SDK1: variants seen among roughly 807,000 people sequenced by gnomAD.
SDK1 encodes the protein sidekick cell adhesion molecule 1, also known as protein sidekick-1.
In SDK1, 157 loss-of-function variants were observed where a neutral mutation model predicts 245.5. The ratio of observed to expected loss-of-function variants is 0.64; its 90% CI spans 0.56 to 0.73. The LOEUF (loss-of-function observed/expected upper bound fraction) is 0.73, where lower values mean the gene tolerates loss of function less well. SDK1 is among the 30% of genes least tolerant of loss of function. The pLI is 0.00. For missense variants in SDK1, 3,583 were observed against 3,002.3 expected (o/e 1.19, Z -4.52); for synonymous variants, 1,647 against 1,278.5 (o/e 1.29, Z -6.15).
chr7:3,960,539 T>A (rs931111828), intron 8 of SDK1, among the ~76,000 whole-genome samples: 5 of 152,170 alleles, frequency 3.3e-5, no homozygotes, highest in African/African-American at 1.2e-4. Flanking sequence ...GTGTCACCCT[T>A]CCAGTCCTGG....
In SDK1 at chr7:3,540,084, C is replaced by T. The variant is rs116542977; in HGVS notation, c.299-78996C>T. Among the ~76,000 whole-genome samples the T allele has an allele frequency of 1.4e-3, 212 of 152,246 alleles. 1 individual carries two copies. The highest frequency in any genetic ancestry group is 5.0e-3 in the African/African-American group (207 of 41,544). ...TATGTGGATCACATTTGATTGAAGG[C>T]CTTCTCATTGTCCTCTCTGGTAAAC... On this transcript the variant is annotated intron_variant, in intron 1 of 44. Transcript: ENST00000404826.
At chr7:3,748,792 C>T (rs1178078077) in intron 4 of SDK1, among the ~76,000 whole-genome samples, 1 of 152,154 alleles carries the variant, frequency 6.6e-6, no homozygotes, top group East Asian at 1.9e-4. Flanking sequence ...TGGTACAACC[C>T]TATAATTACT....
intron 4 of SDK1, among the ~76,000 whole-genome samples, chr7:3,819,210 G>C (rs1334776050): frequency 1.3e-5 from 2 of 150,284 alleles, no homozygotes; most frequent in African/African-American, 2.5e-5. Context: ...CATTTTCATG[G>C]TGTCTTTTTG....
At chr7:3,710,668 T>G (rs1785023515) in intron 4 of SDK1, among the ~76,000 whole-genome samples, 1 of 152,208 alleles carries the variant, frequency 6.6e-6, no homozygotes, top group Non-Finnish European at 1.5e-5. Context: ...ACTCTTGCCA[T>G]TAATTTAACC....
At chr7:3,474,091 GTTTTTTTTTTT>G (rs869083123) in intron 1 of SDK1, among the ~76,000 whole-genome samples, 35 of 43,226 alleles carry the variant, frequency 8.1e-4, no homozygotes, top group Non-Finnish European at 7.9e-4. Flanking sequence ...ACCAGATGGT[GTTTTTTTTTTT>G]TTTTTTTTTT....
At chr7:3,623,420 T>G (rs1782007075) in intron 2 of SDK1, among the ~76,000 whole-genome samples, 1 of 152,002 alleles carries the variant, frequency 6.6e-6, no homozygotes, top group South Asian at 2.1e-4. Context: ...TTTTTATTAT[T>G]AGTAGAGAAG....
chr7:4,187,653 T>C lies in SDK1; in HGVS notation c.5098+9067T>C, dbSNP rs111609182. ...CATGGGGGTCTGTTACAAGGTAAAC[T>C]GAGACACAAAATGTTAGAAGAGTTT... On this transcript the variant is annotated intron_variant, in intron 35 of 44. Coordinates refer to ENST00000404826, the MANE Select transcript of SDK1 (RefSeq NM_152744.4). 1.4e-3 allele frequency among the ~76,000 whole-genome samples: 209 copies of C among 152,348 alleles called. 1 individual carries two copies. Among genetic ancestry groups the C allele is most frequent in the African/African-American group, 4.5e-3 (187 of 41,580 alleles).
At chr7:4,175,640 T>A in intron 33 of SDK1, 135 bp from the exon 34 acceptor site, 1 of 763,934 alleles carries the variant, frequency 1.3e-6, no homozygotes, top group Non-Finnish European at 2.3e-6. Context: ...GGGTCTTTAT[T>A]GCCCCGGGAG....
chr7:3,569,884 G>A (rs1244122361), intron 1 of SDK1, among the ~76,000 whole-genome samples: 1 of 152,206 alleles, frequency 6.6e-6, no homozygotes, highest in Non-Finnish European at 1.5e-5. Flanking sequence ...TATGGTTAAT[G>A]TGTCCACTTG....
chr7:3,554,327 A>G (rs1383814096), intron 1 of SDK1, among the ~76,000 whole-genome samples: 1 of 152,226 alleles, frequency 6.6e-6, no homozygotes, highest in East Asian at 1.9e-4. Flanking sequence ...TAAAAATGAA[A>G]CAACACACTA....
At chr7:4,064,011 TA>T (rs2128172003) in intron 19 of SDK1, among the ~76,000 whole-genome samples, 1 of 152,244 alleles carries the variant, frequency 6.6e-6, no homozygotes, top group South Asian at 2.1e-4. Context: ...TTCAGGACAT[TA>T]GTGTAGGCAA....
intron 1 of SDK1, among the ~76,000 whole-genome samples, chr7:3,586,856 A>C (rs1681034492): frequency 6.6e-6 from 1 of 152,224 alleles, no homozygotes; most frequent in South Asian, 2.1e-4. Flanking sequence ...AGAAGCTGCC[A>C]CTTGAGCAGG....
At chr7:4,142,035 G>A (rs905333002) in intron 28 of SDK1, among the ~76,000 whole-genome samples, 9 of 151,986 alleles carry the variant, frequency 5.9e-5, no homozygotes, top group Non-Finnish European at 1.2e-4. Context: ...GATCATAGGT[G>A]TGAGCCACTG....
At chr7:3,613,612 C>G (rs1018486453) in intron 1 of SDK1, among the ~76,000 whole-genome samples, 2 of 152,114 alleles carry the variant, frequency 1.3e-5, no homozygotes, top group African/African-American at 2.4e-5. Context: ...GACAGAAATA[C>G]CGTTTGACCC....
At chr7:3,492,720 A>C (rs1583944157) in intron 1 of SDK1, among the ~76,000 whole-genome samples, 1 of 152,254 alleles carries the variant, frequency 6.6e-6, no homozygotes, top group Middle Eastern at 3.4e-3. Flanking sequence ...CATCCCTGAC[A>C]ACCTGTTAAG....
intron 5 of SDK1, 105 bp from the exon 6 acceptor site, chr7:3,950,818 G>C (rs965771674): frequency 5.3e-6 from 4 of 758,148 alleles, no homozygotes; most frequent in Admixed American, 4.3e-5. Context: ...TACTCTCTTT[G>C]GTTTTAGGTA....
At chr7:4,228,416 C>T (rs1261602695) in intron 40 of SDK1, among the ~76,000 whole-genome samples, 3 of 152,226 alleles carry the variant, frequency 2.0e-5, no homozygotes, top group African/African-American at 7.2e-5. Context: ...ACATTACCCA[C>T]AGGAAGTTCA....
At position 3,921,731 on chromosome 7, in the gene SDK1, C is replaced by T. The variant is rs547595954; in HGVS notation, c.848-29192C>T. 3.0e-4 allele frequency among the ~76,000 whole-genome samples: 45 copies of T among 152,076 alleles called. No individual in the cohort carries two copies. In the South Asian group the frequency reaches 8.5e-3, roughly 29 times the overall value. The stretch of plus-strand genomic sequence containing the variant: ...CTGTAATCCCAGCACTTTGGGAGGC[C>T]GAGGCAGGAGGATCACTTGAGCCCA... On this transcript the variant is annotated intron_variant, in intron 5 of 44. Transcript: ENST00000404826.
chr7:4,083,544 C>CCCTCCCTCCCTCCCTCCCTCCCTCCCTT (rs1562784564), intron 22 of SDK1, among the ~76,000 whole-genome samples: 2 of 59,648 alleles, frequency 3.4e-5, no homozygotes, highest in Non-Finnish European at 6.2e-5. Context: ...CTCCCTCCCT[C>CCCTCCCTCCCTCCCTCCCTCCCTCCCTT]CCTCCCTCCC....
Sources: gnomAD v4.1 joint callset for allele counts (sites outside exome capture counted in the v4.1 genomes callset) on GRCh38, gnomAD v4.1.1 for gene constraint, MANE v1.5 for transcripts, NCBI Gene and HGNC (gene_info 2026-07-23, HGNC 2026-07-21) for gene names.